The following DLG2 variants were observed in gnomAD, a reference collection of about 807,000 sequenced individuals.
The protein encoded by DLG2 is discs large MAGUK scaffold protein 2.
In DLG2, 45 loss-of-function variants were observed where a neutral mutation model predicts 132.5. The observed-to-expected ratio is 0.34, with a 90% confidence interval of 0.27 to 0.44. DLG2 has a LOEUF of 0.44. DLG2 is among the 20% of genes least tolerant of loss of function. DLG2 has a pLI of 1.00. For missense variants in DLG2, 1,045 were observed against 1,196.9 expected (o/e 0.87, Z 1.87); for synonymous variants, 424 against 419.6 (o/e 1.01, Z -0.13).
At chr11:84,171,880 A>C (rs1046724057) in intron 8 of DLG2, among the ~76,000 whole-genome samples, 2 of 152,178 alleles carry the variant, frequency 1.3e-5, no homozygotes, top group Non-Finnish European at 2.9e-5. Context: ...GCATTAATAC[A>C]ACTAGATTGT....
intron 3 of DLG2, among the ~76,000 whole-genome samples, chr11:85,488,566 T>A (rs924058282): frequency 6.6e-6 from 1 of 152,128 alleles, no homozygotes; most frequent in Admixed American, 6.5e-5. Context: ...CAATACACTG[T>A]CTAAATTCAA....
intron 6 of DLG2, among the ~76,000 whole-genome samples, chr11:84,892,072 G>C (rs1050523719): frequency 6.6e-6 from 1 of 152,154 alleles, no homozygotes; most frequent in East Asian, 1.9e-4. Context: ...AGGACTTCAA[G>C]GTCTACAGTT....
intron 5 of DLG2, among the ~76,000 whole-genome samples, chr11:85,113,652 T>C (rs931763846): frequency 2.0e-5 from 3 of 152,058 alleles, no homozygotes; most frequent in African/African-American, 7.2e-5. Flanking sequence ...GATTTTAGTT[T>C]AGTGTTCCCA....
chr11:84,973,109 C>T (rs1035055897), intron 6 of DLG2, among the ~76,000 whole-genome samples: 2 of 152,064 alleles, frequency 1.3e-5, no homozygotes, highest in Non-Finnish European at 2.9e-5. Flanking sequence ...AGGTGCATCC[C>T]ACCACACCCA....
At chr11:84,465,537 G>A (rs1010682898) in intron 7 of DLG2, among the ~76,000 whole-genome samples, 1 of 151,086 alleles carries the variant, frequency 6.6e-6, no homozygotes, top group Non-Finnish European at 1.5e-5. Flanking sequence ...GCTTAAATCA[G>A]TTTAAAGTTT....
At chr11:83,710,411 G>A (rs1457888197) in intron 18 of DLG2, among the ~76,000 whole-genome samples, 4 of 151,946 alleles carry the variant, frequency 2.6e-5, no homozygotes, top group Non-Finnish European at 4.4e-5. Context: ...ATCCACCCCC[G>A]CTCAGCCTCC....
chr11:83,790,571 C>A, intron 17 of DLG2: 1 of 1,297,762 alleles, frequency 7.7e-7, no homozygotes, highest in Non-Finnish European at 1.1e-6. Context: ...TACTTTCAGC[C>A]ATGTGGGCTT....
At chr11:85,174,149 CA>C (rs763050302) in intron 4 of DLG2, among the ~76,000 whole-genome samples, 1 of 152,232 alleles carries the variant, frequency 6.6e-6, no homozygotes, top group South Asian at 2.1e-4. Flanking sequence ...ACTCTCCAAC[CA>C]AAAACAACAG....
chr11:84,886,424 T>C (rs1458238471), intron 6 of DLG2, among the ~76,000 whole-genome samples: 1 of 152,050 alleles, frequency 6.6e-6, no homozygotes, highest in South Asian at 2.1e-4. Context: ...AAGGAAGATG[T>C]TTAGAGTTAT....
chr11:84,802,498 A>G (rs918954300), intron 6 of DLG2, among the ~76,000 whole-genome samples: 1 of 152,084 alleles, frequency 6.6e-6, no homozygotes, highest in Non-Finnish European at 1.5e-5. Flanking sequence ...GACTGACAGG[A>G]GCTACGGTTA....
chr11:85,560,319 G>C (rs113668982), intron 3 of DLG2, among the ~76,000 whole-genome samples: 1 of 151,674 alleles, frequency 6.6e-6, no homozygotes, highest in Admixed American at 6.6e-5. Context: ...TTAAAAACTG[G>C]AAACAACCCA....
intron 6 of DLG2, among the ~76,000 whole-genome samples, chr11:84,873,728 C>T (rs928381085): frequency 2.8e-4 from 43 of 152,280 alleles, no homozygotes; most frequent in South Asian, 4.1e-4. Context: ...TTTCAAAAAC[C>T]GTGTTGAGGT....
chr11:85,283,599 T>C (rs148804816), intron 4 of DLG2, among the ~76,000 whole-genome samples: 1,912 of 151,676 alleles, frequency 0.013, 21 homozygotes, highest in Middle Eastern at 0.041. Context: ...GAATGGATCA[T>C]GAAAGAAAAA....
At chr11:84,711,152 G>T (rs1436146706) in intron 6 of DLG2, among the ~76,000 whole-genome samples, 2 of 151,322 alleles carry the variant, frequency 1.3e-5, no homozygotes, top group Non-Finnish European at 2.9e-5. Context: ...AACCTTATGA[G>T]GAAACTATTT....
chr11:84,039,325 C>T (rs1223071266), intron 11 of DLG2, among the ~76,000 whole-genome samples: 20 of 149,452 alleles, frequency 1.3e-4, no homozygotes, highest in Admixed American at 4.0e-4. Flanking sequence ...CCCACTAACT[C>T]GTCATCTACC....
chr11:84,075,832 AC>A (rs2096822897), intron 10 of DLG2, among the ~76,000 whole-genome samples: 1 of 152,128 alleles, frequency 6.6e-6, no homozygotes, highest in South Asian at 2.1e-4. Flanking sequence ...GTGATGAAAA[AC>A]TCATGACACA....
At chr11:84,091,101 G>A (rs1387802460) in intron 10 of DLG2, among the ~76,000 whole-genome samples, 1 of 152,126 alleles carries the variant, frequency 6.6e-6, no homozygotes, top group Non-Finnish European at 1.5e-5. Context: ...GCTGTGTTTT[G>A]CTTAGTCTTT....
chr11:85,130,694 A>C (rs1693688620), intron 5 of DLG2, among the ~76,000 whole-genome samples: 1 of 152,210 alleles, frequency 6.6e-6, no homozygotes, highest in Admixed American at 6.5e-5. Context: ...TAAGGAGATG[A>C]GTATTAAACT....
At chr11:84,792,444 T>A (rs1161290480) in intron 6 of DLG2, among the ~76,000 whole-genome samples, 1 of 152,162 alleles carries the variant, frequency 6.6e-6, no homozygotes, top group Admixed American at 6.5e-5. Flanking sequence ...CCGTATAGAA[T>A]GAAATTGGAA....
Sources: allele counts gnomAD v4.1 joint callset (sites outside exome capture counted in the v4.1 genomes callset), GRCh38; gene constraint gnomAD v4.1.1; transcripts MANE v1.5; gene names NCBI Gene and HGNC (gene_info 2026-07-23, HGNC 2026-07-21).